Variants in FBXL17 observed in about 807,000 individuals in gnomAD.
The protein encoded by FBXL17 is F-box/LRR-repeat protein 17.
FBXL17 carries 22 observed loss-of-function variants against 66.2 expected under a neutral mutation model. That is an observed-to-expected ratio of 0.33 (90% CI 0.24 to 0.47). The LOEUF (loss-of-function observed/expected upper bound fraction) is 0.47, where lower values mean the gene tolerates loss of function less well. Among genes scored for constraint, FBXL17 ranks in the 20% least tolerant of loss-of-function variants. FBXL17 has a pLI of 1.00. For synonymous variants in FBXL17, 474 were observed against 400.5 expected (o/e 1.18, Z -2.19); for missense variants, 878 against 948.2 (o/e 0.93, Z 0.97).
chr5:108,079,917 G>GT (rs1185928206), intron 6 of FBXL17, among the ~76,000 whole-genome samples: 1 of 152,188 alleles, frequency 6.6e-6, no homozygotes, highest in East Asian at 1.9e-4. Context: ...ATGGAATGTT[G>GT]TTTCTACATT....
In FBXL17 at chr5:107,945,787, G is replaced by C. The variant is rs1235710640; in HGVS notation, c.1823-64608C>G. ...ACTTTTGGAGAGCAGAGACAGAAAT[G>C]TAATTCGGGACTTCAATTTTCTTTG... On this transcript the variant is annotated intron_variant, in intron 7 of 8. Coordinates refer to ENST00000542267, the MANE Select transcript of FBXL17 (RefSeq NM_001163315.3). 2.0e-5 allele frequency among the ~76,000 whole-genome samples: 3 copies of C among 152,142 alleles called. 1 individual carries two copies. In the South Asian group the frequency reaches 6.2e-4, roughly 31 times the overall value.
intron 6 of FBXL17, among the ~76,000 whole-genome samples, chr5:108,154,128 T>A (rs1442435261): frequency 2.6e-5 from 4 of 151,616 alleles, no homozygotes; most frequent in African/African-American, 9.7e-5. Context: ...CCACCTTCCA[T>A]CAAACAGCAA....
chr5:107,882,385 C>T (rs954774629), intron 7 of FBXL17, among the ~76,000 whole-genome samples: 1 of 150,824 alleles, frequency 6.6e-6, no homozygotes, highest in Non-Finnish European at 1.5e-5. Flanking sequence ...AACTCATGTC[C>T]GTACATTCCA....
intron 4 of FBXL17, among the ~76,000 whole-genome samples, chr5:108,321,259 T>C (rs780651336): frequency 9.9e-5 from 15 of 151,832 alleles, no homozygotes; most frequent in Non-Finnish European, 2.1e-4. Context: ...TATTACAATA[T>C]TGAATTGGAA....
chr5:108,323,879 T>C (rs935066216), intron 4 of FBXL17, among the ~76,000 whole-genome samples: 1 of 152,026 alleles, frequency 6.6e-6, no homozygotes, highest in Non-Finnish European at 1.5e-5. Context: ...ACTGGATATC[T>C]ACATGCAAAT....
intron 4 of FBXL17, among the ~76,000 whole-genome samples, chr5:108,304,887 G>A (rs756028338): frequency 4.6e-5 from 7 of 151,880 alleles, no homozygotes; most frequent in Admixed American, 1.3e-4. Context: ...AATAAAATAA[G>A]CATAAAACTT....
chr5:107,970,568 T>C (rs1258654680), intron 7 of FBXL17, among the ~76,000 whole-genome samples: 1 of 152,174 alleles, frequency 6.6e-6, no homozygotes. Flanking sequence ...GCCTGTTCTT[T>C]AGACCTATCA....
intron 8 of FBXL17, among the ~76,000 whole-genome samples, chr5:107,872,023 AT>A (rs1006524514): frequency 2.0e-5 from 3 of 152,210 alleles, no homozygotes; most frequent in African/African-American, 7.2e-5. Flanking sequence ...ATGAAAAAAA[AT>A]CTTTCTAAAA....
intron 8 of FBXL17, among the ~76,000 whole-genome samples, chr5:107,865,281 G>A (rs1286460607): frequency 6.6e-6 from 1 of 152,200 alleles, no homozygotes; most frequent in Non-Finnish European, 1.5e-5. Context: ...ATCTCTATGT[G>A]ATAACTGTTT....
chr5:108,037,856 C>T (rs935101458), intron 6 of FBXL17, among the ~76,000 whole-genome samples: 1 of 152,104 alleles, frequency 6.6e-6, no homozygotes, highest in Admixed American at 6.6e-5. Flanking sequence ...TTATGTGCCT[C>T]GTGATTTCAT....
Position 108,364,810 on chromosome 5 carries a change from G to C in FBXL17, c.1302C>G (p.Ala434=), listed in dbSNP as rs1241568344. Reference sequence around the variant, plus strand: ...CTTTCTGAAGTAAAGGACAGTGAGAGGCAACCGCAATAATAGAGGTGTCAG... The same window carrying C: ...CTTTCTGAAGTAAAGGACAGTGAGACGCAACCGCAATAATAGAGGTGTCAG... The part of the protein sequence containing the change: ...QLSDTSIIAV[A]SHCPLLQKVH... Residue 434 remains alanine, a synonymous_variant, in exon 3 of 9, where the codon GCC becomes GCG. Coordinates refer to ENST00000542267, the MANE Select transcript of FBXL17 (RefSeq NM_001163315.3). The C allele has an allele frequency of 1.2e-6, 2 of 1,612,758 alleles. No individual in the cohort carries two copies. Among genetic ancestry groups the C allele is most frequent in the Non-Finnish European group, 1.7e-6 (2 of 1,179,196 alleles).
At chr5:108,119,145 A>T (rs1386503825) in intron 6 of FBXL17, among the ~76,000 whole-genome samples, 1 of 152,186 alleles carries the variant, frequency 6.6e-6, no homozygotes, top group Non-Finnish European at 1.5e-5. Context: ...AAATATAAAT[A>T]AATTCAAGAG....
chr5:107,869,277 G>GC (rs1195695176), intron 8 of FBXL17, among the ~76,000 whole-genome samples: 3 of 152,140 alleles, frequency 2.0e-5, no homozygotes, highest in African/African-American at 7.2e-5. Context: ...GCGTTTCTTG[G>GC]CTCTCTGGGA....
intron 3 of FBXL17, among the ~76,000 whole-genome samples, chr5:108,348,951 T>G (rs1302542874): frequency 2.6e-5 from 4 of 152,168 alleles, no homozygotes; most frequent in African/African-American, 9.6e-5. Context: ...AGTACAGGTG[T>G]GTGCCACCAC....
chr5:108,368,804 A>G (rs889274092), intron 1 of FBXL17, among the ~76,000 whole-genome samples: 7 of 152,140 alleles, frequency 4.6e-5, no homozygotes, highest in Admixed American at 4.6e-4. Context: ...TGAAAGAAAA[A>G]TAAGTCTCAG....
rs140348227 is a variant in FBXL17 at position 108,032,415 on chromosome 5, G to A, written c.1746-11414C>T. Among the ~76,000 whole-genome samples the A allele has an allele frequency of 1.8e-4, 27 of 152,220 alleles. No individual in the cohort carries two copies. In the East Asian group the frequency reaches 5.0e-3, roughly 28 times the overall value. On this transcript the variant is annotated intron_variant, in intron 6 of 8. Coordinates refer to ENST00000542267, the MANE Select transcript of FBXL17 (RefSeq NM_001163315.3). ...CAAGGACATCAGGTCCTAATTCACA[G>A]AGCCAATAAATGTTACCTTCCATGG...
At chr5:107,959,035 G>A (rs1268872721) in intron 7 of FBXL17, among the ~76,000 whole-genome samples, 1 of 152,082 alleles carries the variant, frequency 6.6e-6, no homozygotes, top group Non-Finnish European at 1.5e-5. Flanking sequence ...TGAATCATGT[G>A]GTCTCCATGG....
rs186035599 is a variant in FBXL17, at chr5:108,358,764, T to C, written c.1374+5974A>G. On this transcript the variant is annotated intron_variant, in intron 3 of 8. Coordinates refer to ENST00000542267, the MANE Select transcript of FBXL17 (RefSeq NM_001163315.3). ...AGAGTTTGAGAAGGACTGGTGTTAATTCTTCTTTAAATATTTGAAAACATT... is the reference window on the plus strand; with the variant it reads ...AGAGTTTGAGAAGGACTGGTGTTAACTCTTCTTTAAATATTTGAAAACATT... Among the ~76,000 whole-genome samples, 40 of 152,298 alleles carry C rather than the reference T, an allele frequency of 2.6e-4. 1 individual carries two copies. The Middle Eastern group carries it at 0.01, about 39-fold the overall frequency.
chr5:108,142,568 G>A (rs997228350), intron 6 of FBXL17, among the ~76,000 whole-genome samples: 2 of 152,086 alleles, frequency 1.3e-5, no homozygotes, highest in Admixed American at 6.5e-5. Context: ...TTTGCTAACT[G>A]ATTTTTTCGC....
Sources: gnomAD v4.1 joint callset for allele counts (sites outside exome capture counted in the v4.1 genomes callset) on GRCh38, gnomAD v4.1.1 for gene constraint, MANE v1.5 for transcripts, NCBI Gene and HGNC (gene_info 2026-07-23, HGNC 2026-07-21) for gene names.